NFIB: variants seen among roughly 807,000 people sequenced by gnomAD.
The protein encoded by NFIB is nuclear factor 1 B-type.
A neutral mutation model predicts 61.5 loss-of-function variants in NFIB; 11 were observed. The observed-to-expected ratio is 0.18, with a 90% CI of 0.11 to 0.30. NFIB has a LOEUF of 0.30. NFIB is among the 10% of genes least tolerant of loss of function. The pLI is 1.00. For synonymous variants in NFIB, 260 were observed against 216.5 expected, an observed-to-expected ratio of 1.20 and a Z score of -1.76; for missense variants, 471 against 608.9, an observed-to-expected ratio of 0.77 and a Z score of 2.38.
chr9:14,440,766 C>T, the NFIB span, among the ~76,000 whole-genome samples: 53,148 of 152,148 alleles, frequency 0.35, 10,576 homozygotes, highest in Admixed American at 0.5. Flanking sequence ...ATTACGTGTT[C>T]ATGTTTCATT....
intron 10 of NFIB, among the ~76,000 whole-genome samples, chr9:14,103,744 A>G (rs1563787522): frequency 6.6e-6 from 1 of 152,088 alleles, no homozygotes; most frequent in Admixed American, 6.5e-5. Flanking sequence ...CACGTGTTTT[A>G]GTTATTTGCA....
At chr9:14,417,334 A>T in the NFIB span, among the ~76,000 whole-genome samples, 1 of 152,256 alleles carries the variant, frequency 6.6e-6, no homozygotes, top group Non-Finnish European at 1.5e-5. Context: ...TAGGAGCAAC[A>T]GGCTATACCA....
the NFIB span, among the ~76,000 whole-genome samples, chr9:14,511,379 C>A: frequency 6.6e-6 from 1 of 151,568 alleles, no homozygotes; most frequent in African/African-American, 2.4e-5. Flanking sequence ...TTTTTCATTT[C>A]CCTATCAAAT....
rs550619460 is a variant in NFIB, at chr9:14,223,645, C to T, written c.563-43865G>A. On this transcript the variant is annotated intron_variant, in intron 2 of 10. Coordinates refer to ENST00000380953, the MANE Select transcript of NFIB (RefSeq NM_001190737.2). ...TTTTTTGAGAAATCATGTTTTCCCT[C>T]AATGTGTAAAAGAGGAAGAAGAAGA... 5.9e-5 allele frequency among the ~76,000 whole-genome samples: 9 copies of T among 152,094 alleles called. No individual in the cohort carries two copies. The South Asian group carries it at 1.9e-3, about 32-fold the overall frequency.
At chr9:14,416,380 C>T in the NFIB span, among the ~76,000 whole-genome samples, 7 of 152,108 alleles carry the variant, frequency 4.6e-5, no homozygotes, top group East Asian at 3.9e-4. Context: ...GTGACAGCTC[C>T]GCATGTGTTA....
Position 14,368,167 on chromosome 9 carries a change from A to G in NFIB, c.108+30357T>C, listed in dbSNP as rs866730726. Among the ~76,000 whole-genome samples, 1,132 of 151,386 alleles carry G rather than the reference A, an allele frequency of 7.5e-3. 4 individuals are homozygous for G. Among genetic ancestry groups the G allele is most frequent in the African/African-American group, 0.011 (440 of 41,376 alleles). On this transcript the variant is annotated intron_variant, in intron 1 of 8. Coordinates refer to the NFIB transcript ENST00000380934. ...GTAAAGTAAGATTAAAAAAAAAAAA[A>G]AGAGAGACAGAGGGAAACAAGTGGC...
intron 2 of NFIB, among the ~76,000 whole-genome samples, chr9:14,284,529 C>T (rs541357041): frequency 1.3e-5 from 2 of 152,224 alleles, no homozygotes; most frequent in East Asian, 3.9e-4. Flanking sequence ...AAAGTGAGCA[C>T]TCAAAATTCA....
chr9:14,227,169 T>A (rs4741352), intron 2 of NFIB, among the ~76,000 whole-genome samples: 91,833 of 149,198 alleles, frequency 0.62, 30,768 homozygotes, highest in African/African-American at 0.87. Context: ...GAAAGAAAAG[T>A]AAAGTAAAAG....
chr9:14,141,394 T>C (rs2041681194), intron 6 of NFIB, among the ~76,000 whole-genome samples: 1 of 152,206 alleles, frequency 6.6e-6, no homozygotes, highest in African/African-American at 2.4e-5. Flanking sequence ...CATGCCAATA[T>C]ACCAAGTAGT....
At chr9:14,524,491 A>C in the NFIB span, among the ~76,000 whole-genome samples, 1 of 152,214 alleles carries the variant, frequency 6.6e-6, no homozygotes, top group Non-Finnish European at 1.5e-5. Context: ...AATTTCATTT[A>C]AGAATGATTA....
the NFIB span, among the ~76,000 whole-genome samples, chr9:14,455,226 T>G: frequency 6.6e-6 from 1 of 152,130 alleles, no homozygotes; most frequent in African/African-American, 2.4e-5. Flanking sequence ...AAAATCTGAG[T>G]GTGTATCATT....
rs1289792571 is a variant in NFIB at position 14,116,306 on chromosome 9, T to C, written c.1286A>G (p.His429Arg). 1.3e-6 allele frequency: 2 copies of C among 1,537,854 alleles called. No individual in the cohort carries two copies. Among genetic ancestry groups the C allele is most frequent in the Non-Finnish European group, 1.8e-6 (2 of 1,140,284 alleles). The change falls in exon 9 of 11, where the codon CAT (histidine) becomes CGT (arginine). Residue 429 changes from histidine (H) to arginine (R), a missense_variant. His to Arg is a conservative substitution (Grantham distance 29). This residue lies in a region of NFIB where 372 missense variants were observed against 395.6 expected (regional missense o/e 0.94). Transcript: ENST00000380953. ...AGAGGGTGCCAAGACAGGAGTGAAA[T>C]GGCCAGGCACTTTCCCTACTACTTG... ...SGQVVGKVPG[H>R]FTPVLAPSPH...
upstream of NFIB, among the ~76,000 whole-genome samples, chr9:14,315,961 G>C (rs1391950897): frequency 6.6e-6 from 1 of 151,982 alleles, no homozygotes; most frequent in Non-Finnish European, 1.5e-5. Flanking sequence ...CTGCTGGGGC[G>C]TTTCGAGGCT....
intron 1 of NFIB, among the ~76,000 whole-genome samples, chr9:14,381,899 T>C (rs771421324): frequency 6.6e-6 from 1 of 152,256 alleles, no homozygotes; most frequent in African/African-American, 2.4e-5. Context: ...GTGCTCCTAA[T>C]TCAAGTCCCT....
chr9:14,405,860 A>C, the NFIB span, among the ~76,000 whole-genome samples: 16 of 152,208 alleles, frequency 1.1e-4, no homozygotes, highest in African/African-American at 3.1e-4. Flanking sequence ...GAAAGCAAGA[A>C]TATAAATCAG....
chr9:14,261,588 G>A (rs1414198250), intron 2 of NFIB, among the ~76,000 whole-genome samples: 1 of 152,086 alleles, frequency 6.6e-6, no homozygotes, highest in Non-Finnish European at 1.5e-5. Context: ...GAGAATGCAG[G>A]GATGACTGCC....
chr9:14,195,648 C>A (rs545215550), intron 2 of NFIB, among the ~76,000 whole-genome samples: 3 of 152,320 alleles, frequency 2.0e-5, no homozygotes, highest in Non-Finnish European at 4.4e-5. Flanking sequence ...AGTTTGGCTA[C>A]AGCAATCTGG....
chr9:14,196,543 C>A (rs1310073983), intron 2 of NFIB, among the ~76,000 whole-genome samples: 3 of 152,036 alleles, frequency 2.0e-5, no homozygotes, highest in Non-Finnish European at 4.4e-5. Flanking sequence ...CCAAAATATA[C>A]CACCTTTAAT....
At chr9:14,455,927 T>TA in the NFIB span, among the ~76,000 whole-genome samples, 462 of 152,190 alleles carry the variant, frequency 3.0e-3, 4 homozygotes, top group African/African-American at 0.01. Flanking sequence ...GTTTTGAAAA[T>TA]AAAAAACATA....
Sources: allele counts gnomAD v4.1 joint callset (sites outside exome capture counted in the v4.1 genomes callset), GRCh38; gene constraint gnomAD v4.1.1; regional missense constraint gnomAD v4.1.1; transcripts MANE v1.5; gene names NCBI Gene and HGNC (gene_info 2026-07-23, HGNC 2026-07-21).